OBI1: variants seen among roughly 807,000 people sequenced by gnomAD.
The protein encoded by OBI1 is ORC ubiquitin ligase 1.
OBI1 carries 59 observed loss-of-function variants against 62.4 expected under a neutral mutation model. The observed-to-expected ratio is 0.95, with a 90% CI of 0.77 to 1.17. The LOEUF (loss-of-function observed/expected upper bound fraction) is 1.17. Ranked by LOEUF, OBI1 falls within the 50% of genes most tolerant of loss-of-function variation. The probability of loss-of-function intolerance (pLI) is 0.00; values close to 1 mark genes in which losing one functional copy is unlikely to be tolerated. For synonymous variants in OBI1, 302 were observed against 292.8 expected (o/e 1.03, Z -0.32); for missense variants, 875 against 830.9 (o/e 1.05, Z -0.65).
chr13:78,634,370 A>G (rs532594365), intron 5 of OBI1, among the ~76,000 whole-genome samples: 30 of 151,918 alleles, frequency 2.0e-4, no homozygotes, highest in South Asian at 1.3e-3. Flanking sequence ...TCTCGGCCCA[A>G]TGCAACCTCT....
At chr13:78,645,348 G>T (rs540568003) in intron 1 of OBI1, among the ~76,000 whole-genome samples, 2 of 152,290 alleles carry the variant, frequency 1.3e-5, no homozygotes, top group East Asian at 3.9e-4. Context: ...AGAACAGCAG[G>T]ATTAGGTTTT....
chr13:78,656,662 G>T (rs1235162726), intron 1 of OBI1, among the ~76,000 whole-genome samples: 2 of 122,334 alleles, frequency 1.6e-5, no homozygotes, highest in African/African-American at 6.2e-5. Context: ...GATTAGATTA[G>T]AACCCGGCTA....
rs556355370 is a variant in OBI1 at position 78,648,426 on chromosome 13, A to G, written c.73-3429T>C. Among the ~76,000 whole-genome samples, 11 of 151,478 alleles carry G rather than the reference A, an allele frequency of 7.3e-5. No homozygotes were observed. In the East Asian group the frequency reaches 1.9e-3, roughly 27 times the overall value. On this transcript the variant is annotated intron_variant, in intron 1 of 5. Transcript: ENST00000282003. ...CTACTTTTATAGTAAGTTATTTTTT[A>G]TAAGTTATAAACTCATCTGAAAATG...
At chr13:78,656,791 A>ATT (rs1451945527) in intron 1 of OBI1, among the ~76,000 whole-genome samples, 1 of 97,248 alleles carries the variant, frequency 1.0e-5, no homozygotes, top group African/African-American at 4.4e-5. Flanking sequence ...TTTTATTTTT[A>ATT]ATTTTTTTTT....
intron 5 of OBI1, among the ~76,000 whole-genome samples, chr13:78,629,240 G>A (rs1875774355): frequency 6.6e-6 from 1 of 152,016 alleles, no homozygotes; most frequent in South Asian, 2.1e-4. Context: ...TGCACTCAGG[G>A]AGACATTATC....
intron 1 of OBI1, among the ~76,000 whole-genome samples, chr13:78,657,187 A>AG (rs144540310): frequency 0.01 from 1,532 of 152,282 alleles, 8 homozygotes; most frequent in Non-Finnish European, 0.013. Context: ...AAGCATGTGC[A>AG]AAGTTTAGCA....
chr13:78,631,623 G>C (rs969466694), intron 5 of OBI1, among the ~76,000 whole-genome samples: 1 of 152,118 alleles, frequency 6.6e-6, no homozygotes, highest in Non-Finnish European at 1.5e-5. Flanking sequence ...AATAAATTCA[G>C]AAGCATAATA....
rs759352066 is a variant in OBI1, at chr13:78,616,954, G to C, written c.807C>G (p.Ser269=). 2.5e-6 allele frequency: 4 copies of C among 1,614,044 alleles called. No individual in the cohort carries two copies. In the African/African-American group the frequency reaches 4.0e-5, roughly 16 times the overall value. ...NSSEEKEAMN[S]ICQTALSADG... ...CTGCAGAAAGTGCTGTCTGGCAAAT[G>C]GAATTCATAGCTTCTTTCTCTTCAC... The change falls in exon 6 of 6, where the codon TCC becomes TCG. Residue 269 remains serine (S), a synonymous_variant. Transcript: ENST00000282003.
intron 5 of OBI1, 66 bp downstream of exon 5, chr13:78,635,044 C>A: frequency 2.1e-6 from 2 of 931,664 alleles, no homozygotes; most frequent in Admixed American, 2.6e-5. Context: ...AAAACAAACC[C>A]TCACAGCAGC....
chr13:78,641,890 A>G (rs1398867199), intron 3 of OBI1, among the ~76,000 whole-genome samples: 1 of 151,804 alleles, frequency 6.6e-6, no homozygotes, highest in East Asian at 1.9e-4. Context: ...CTGGAATCCC[A>G]TTCCCCCATT....
At chr13:78,649,635 T>C (rs1876490376) in intron 1 of OBI1, among the ~76,000 whole-genome samples, 1 of 152,082 alleles carries the variant, frequency 6.6e-6, no homozygotes, top group Non-Finnish European at 1.5e-5. Context: ...GGAATACCAA[T>C]GGGAATGATA....
chr13:78,641,795 T>C (rs1280011636), intron 3 of OBI1, among the ~76,000 whole-genome samples: 1 of 135,102 alleles, frequency 7.4e-6, no homozygotes, highest in Non-Finnish European at 1.6e-5. Flanking sequence ...AGGAAGCAAA[T>C]ACAAAATGAT....
rs529147910 is a variant in OBI1 at position 78,646,269 on chromosome 13, G to A, written c.73-1272C>T. Among the ~76,000 whole-genome samples, 10 of 152,246 alleles carry A rather than the reference G, an allele frequency of 6.6e-5. No individual in the cohort carries two copies. The South Asian group carries it at 1.2e-3, about 19-fold the overall frequency. On this transcript the variant is annotated intron_variant, in intron 1 of 5. Transcript: ENST00000282003. ...TCCCTTATCAGAATGGAAACTCCAT[G>A]AGAGCAAGAACTTCTTTACTCTCAT...
Position 78,622,746 on chromosome 13 carries a change from A to G in OBI1, c.639-5624T>C, listed in dbSNP as rs57179858. Among the ~76,000 whole-genome samples, 906 of 152,298 alleles carry G rather than the reference A, an allele frequency of 5.9e-3. 8 individuals carry two copies. The highest frequency in any genetic ancestry group is 0.021 in the African/African-American group (880 of 41,564). On this transcript the variant is annotated intron_variant, in intron 5 of 5. Transcript: ENST00000282003. ...TACACTTAATAAGTGAGTAGCCTTA[A>G]CAGGAGCTCTATAGAAATCCGAGTT...
chr13:78,618,607 T>C (rs1047624055), intron 5 of OBI1, among the ~76,000 whole-genome samples: 4 of 152,090 alleles, frequency 2.6e-5, no homozygotes, highest in Non-Finnish European at 5.9e-5. Context: ...ATCTCAAGAT[T>C]AGAAAGGGCT....
At chr13:78,644,799 A>AAT in intron 2 of OBI1, 63 bp downstream of exon 2, 9 of 1,546,660 alleles carry the variant, frequency 5.8e-6, no homozygotes, top group Non-Finnish European at 8.0e-6. Flanking sequence ...TCTTCCTCGA[A>AAT]ATATAAATTA....
intron 5 of OBI1, among the ~76,000 whole-genome samples, chr13:78,634,021 TC>T (rs1190582585): frequency 2.7e-5 from 4 of 148,302 alleles, no homozygotes; most frequent in African/African-American, 1.0e-4. Flanking sequence ...TGAGCCGAGA[TC>T]GCGCCACTGC....
rs1566274640 is a variant in OBI1, at chr13:78,617,140, A to T, written c.639-18T>A. The T allele has an allele frequency of 6.6e-7, 1 of 1,512,774 alleles. No individual in the cohort carries two copies. The highest frequency in any genetic ancestry group is 2.3e-5 in the Admixed American group (1 of 43,274). 93.7% of individuals were successfully genotyped at this position (1,512,774 alleles called of 1,614,324 possible). A position where few individuals can be genotyped will look rare whatever the true frequency, so the allele number is the denominator to read the frequency against. On this transcript the variant is annotated intron_variant, in intron 5 of 5. Transcript: ENST00000282003. ...TTCCAAACCTACAAAGAATGGAAAG[A>T]TAGTTAATCTTATAACTCAAGCTTT...
chr13:78,655,241 T>G (rs894719022), intron 1 of OBI1, among the ~76,000 whole-genome samples: 1 of 152,118 alleles, frequency 6.6e-6, no homozygotes, highest in Admixed American at 6.6e-5. Context: ...AACTGGTTTG[T>G]AACAGCCTGG....
Sources: gnomAD v4.1 joint callset for allele counts (sites outside exome capture counted in the v4.1 genomes callset) on GRCh38, gnomAD v4.1.1 for gene constraint, MANE v1.5 for transcripts, NCBI Gene and HGNC (gene_info 2026-07-23, HGNC 2026-07-21) for gene names.